The following ABHD12 variants were observed in gnomAD, a reference collection of about 807,000 sequenced individuals.
ABHD12 encodes the protein lysophosphatidylserine lipase ABHD12.
Under a neutral mutation model 58.3 loss-of-function variants are expected in ABHD12, and 43 were observed. That is an observed-to-expected ratio of 0.74 (90% CI 0.58 to 0.95). The LOEUF is 0.95. Ranked by LOEUF, ABHD12 falls within the 40% of genes least tolerant of loss-of-function variation. The probability of loss-of-function intolerance (pLI) is 0.00; values close to 1 mark genes in which losing one functional copy is unlikely to be tolerated. For missense variants in ABHD12, 539 were observed against 537.2 expected (o/e 1.00, Z -0.03); for synonymous variants, 219 against 211.2 (o/e 1.04, Z -0.32).
chr20:25,354,380 G>A (rs1006640996), intron 1 of ABHD12, among the ~76,000 whole-genome samples: 1 of 152,176 alleles, frequency 6.6e-6, no homozygotes, highest in Non-Finnish European at 1.5e-5. Context: ...GGGAGGCAGG[G>A]AGGGGGTCAC....
intron 3 of ABHD12, among the ~76,000 whole-genome samples, chr20:25,322,530 C>T (rs146653780): frequency 8.7e-4 from 130 of 150,194 alleles, no homozygotes; most frequent in African/African-American, 3.0e-3. Context: ...CAGGCGCGTG[C>T]CACCATGCCC....
At chr20:25,361,828 G>C (rs545869172) in intron 1 of ABHD12, among the ~76,000 whole-genome samples, 1 of 151,976 alleles carries the variant, frequency 6.6e-6, no homozygotes, top group Non-Finnish European at 1.5e-5. Flanking sequence ...GGTGGCGGGC[G>C]CCTGTAGTCC....
Position 25,360,323 on chromosome 20 carries a change from T to C in ABHD12, c.192-20972A>G, listed in dbSNP as rs371041141. The stretch of plus-strand genomic sequence containing the variant: ...TGGTGCGATCTCGGCTCACTGCAAC[T>C]TCCGCCTCCCAGGTTCAGGCAATTC... On this transcript the variant is annotated intron_variant, in intron 1 of 12. Transcript: ENST00000339157. 5.9e-4 allele frequency among the ~76,000 whole-genome samples: 81 copies of C among 137,678 alleles called. No individual in the cohort carries two copies. The East Asian group carries it at 6.3e-3, about 11-fold the overall frequency. The allele number at this position is 137,678 out of a possible 152,430, so 90.3% of individuals were successfully genotyped here. A position where few individuals can be genotyped will look rare whatever the true frequency, so the allele number is the denominator to read the frequency against.
downstream of ABHD12, chr20:25,297,593 G>A (rs2088568435): frequency 6.6e-6 from 1 of 152,334 alleles, no homozygotes; most frequent in Non-Finnish European, 1.5e-5. Context: ...TGGGAGGTGG[G>A]GGTGAGCCCC....
chr20:25,306,180 CA>C (rs11474922), intron 10 of ABHD12, among the ~76,000 whole-genome samples: 82,512 of 137,538 alleles, frequency 0.6, 23,572 homozygotes, highest in African/African-American at 0.65. Context: ...AAAACAAAAA[CA>C]AAAAAAAAAA....
intron 6 of ABHD12, 22 bp downstream of exon 6, chr20:25,314,903 G>A (rs1460468463): frequency 6.2e-7 from 1 of 1,613,840 alleles, no homozygotes; most frequent in Non-Finnish European, 8.5e-7. Context: ...GTGCTCAGAT[G>A]CTCTTGCAAA....
rs897906826 is a variant in ABHD12, at chr20:25,300,618, A to G, written c.*227T>C. Reference sequence around the variant, plus strand: ...TCTCAGGTTGAGGGGCGGCAAGGAGAGCCACATGCCTGCCACCCACGCTTT... The same window carrying G: ...TCTCAGGTTGAGGGGCGGCAAGGAGGGCCACATGCCTGCCACCCACGCTTT... On this transcript the variant is annotated 3_prime_UTR_variant, in exon 13 of 13. Transcript: ENST00000339157. The G allele has an allele frequency of 1.9e-5, 27 of 1,446,252 alleles. No individual in the cohort carries two copies. Among genetic ancestry groups the G allele is most frequent in the Non-Finnish European group, 2.4e-5 (27 of 1,105,884 alleles). The allele number at this position is 1,446,252 out of a possible 1,614,324, so 89.6% of individuals were successfully genotyped here.
At chr20:25,341,959 C>T (rs542398535) in intron 1 of ABHD12, among the ~76,000 whole-genome samples, 1 of 152,088 alleles carries the variant, frequency 6.6e-6, no homozygotes, top group African/African-American at 2.4e-5. Flanking sequence ...TCCTTCAGCA[C>T]CTGCACAGAT....
At chr20:25,355,291 T>G (rs949042480) in intron 1 of ABHD12, among the ~76,000 whole-genome samples, 3 of 151,984 alleles carry the variant, frequency 2.0e-5, no homozygotes, top group Non-Finnish European at 4.4e-5. Flanking sequence ...AAGAGAAATA[T>G]GCAGAAAACA....
At position 25,386,085 on chromosome 20, in the gene ABHD12, A is replaced by G. The variant is rs534016033; in HGVS notation, c.191+4428T>C. Among the ~76,000 whole-genome samples, 5 of 151,938 alleles carry G rather than the reference A, an allele frequency of 3.3e-5. No homozygotes were observed. The East Asian group carries it at 7.8e-4, about 24-fold the overall frequency. On this transcript the variant is annotated intron_variant, in intron 1 of 12. Transcript: ENST00000339157. ...CACTGCACTCCAGCCTGGGTGATGC[A>G]GCGAGACTCCGTCTCAAAAAAATAA...
intron 1 of ABHD12, among the ~76,000 whole-genome samples, chr20:25,385,881 G>A (rs148296286): frequency 6.6e-5 from 10 of 151,994 alleles, no homozygotes; most frequent in Admixed American, 3.3e-4. Context: ...GGCGGATCAC[G>A]AGGTCAGGAG....
Position 25,371,555 on chromosome 20 carries a change from A to G in ABHD12, c.191+18958T>C, listed in dbSNP as rs143389399. ...TTCCTAGATTTTTGTTTCATGAACT[A>G]ATAAAATGTTCTATAAAATGGGGAC... On this transcript the variant is annotated intron_variant, in intron 1 of 12. Transcript: ENST00000339157. Among the ~76,000 whole-genome samples the G allele has an allele frequency of 5.9e-3, 894 of 152,320 alleles. 4 individuals are homozygous for G. The highest frequency in any genetic ancestry group is 0.032 in the South Asian group (156 of 4,828).
intron 2 of ABHD12, among the ~76,000 whole-genome samples, chr20:25,329,450 T>C (rs78197810): frequency 2.7e-5 from 4 of 149,082 alleles, no homozygotes; most frequent in Non-Finnish European, 5.9e-5. Context: ...CCAGTTTTCA[T>C]TGTCCACCCT....
downstream of ABHD12, among the ~76,000 whole-genome samples, chr20:25,299,637 A>T (rs1341326833): frequency 6.6e-6 from 1 of 152,220 alleles, no homozygotes; most frequent in African/African-American, 2.4e-5. Flanking sequence ...GTCCTAAAGA[A>T]GGGGCTGCCT....
chr20:25,377,284 G>C (rs563011776), intron 1 of ABHD12, among the ~76,000 whole-genome samples: 3 of 152,204 alleles, frequency 2.0e-5, no homozygotes, highest in Non-Finnish European at 2.9e-5. Context: ...CATGTCTTTA[G>C]ATGGCTCTAT....
intron 1 of ABHD12, among the ~76,000 whole-genome samples, chr20:25,377,693 T>C (rs1053685834): frequency 6.6e-6 from 1 of 152,256 alleles, no homozygotes; most frequent in African/African-American, 2.4e-5. Context: ...GTCCCACCTC[T>C]AGTTTTTTTG....
chr20:25,374,980 T>C (rs567174393), intron 1 of ABHD12, among the ~76,000 whole-genome samples: 174 of 152,226 alleles, frequency 1.1e-3, no homozygotes, highest in Non-Finnish European at 2.1e-3. Flanking sequence ...CCCTAGCACT[T>C]CAGAATATGA....
intron 1 of ABHD12, among the ~76,000 whole-genome samples, chr20:25,364,771 A>T (rs752847281): frequency 1.3e-5 from 2 of 152,228 alleles, no homozygotes; most frequent in Non-Finnish European, 2.9e-5. Context: ...CTGGCAAAGA[A>T]TAAGAATATA....
intron 1 of ABHD12, chr20:25,368,676 C>T: frequency 7.3e-7 from 1 of 1,366,780 alleles, no homozygotes; most frequent in Non-Finnish European, 1.0e-6. Context: ...TTTCTGCTGT[C>T]TTTGGAATCT....
Sources: gnomAD v4.1 joint callset for allele counts (sites outside exome capture counted in the v4.1 genomes callset) on GRCh38, gnomAD v4.1.1 for gene constraint, MANE v1.5 for transcripts, NCBI Gene and HGNC (gene_info 2026-07-23, HGNC 2026-07-21) for gene names.